CNTLN: variants seen among roughly 807,000 people sequenced by gnomAD.
The protein encoded by CNTLN is centlein, centrosomal protein.
In CNTLN, 212 loss-of-function variants were observed where a neutral mutation model predicts 180.0. The observed-to-expected ratio is 1.18, with a 90% CI of 1.05 to 1.32. CNTLN has a LOEUF of 1.32. CNTLN is among the 40% of genes most tolerant of loss of function. The pLI, the probability that CNTLN is intolerant of heterozygous loss-of-function variation, is 0.00. For synonymous variants in CNTLN, 722 were observed against 563.1 expected, an observed-to-expected ratio of 1.28 and a Z score of -3.99; for missense variants, 2,095 against 1,610.9, an observed-to-expected ratio of 1.30 and a Z score of -5.14.
intron 18 of CNTLN, among the ~76,000 whole-genome samples, chr9:17,430,627 C>A (rs1481614779): frequency 1.3e-5 from 2 of 151,980 alleles, no homozygotes; most frequent in African/African-American, 2.4e-5. Flanking sequence ...CCCTACTGTA[C>A]TACTGAACAC....
chr9:17,416,308 C>T (rs186034395), intron 18 of CNTLN, 119 bp downstream of exon 18: 2 of 780,988 alleles, frequency 2.6e-6, no homozygotes, highest in African/African-American at 3.5e-5. Flanking sequence ...TTAAAAAATC[C>T]CAGGCACTGT....
intron 6 of CNTLN, among the ~76,000 whole-genome samples, chr9:17,276,910 A>T (rs1828347740): frequency 6.6e-6 from 1 of 151,998 alleles, no homozygotes; most frequent in African/African-American, 2.4e-5. Flanking sequence ...GAATTTGTGG[A>T]AGCAGAAACC....
chr9:17,300,775 T>G (rs1181282990), intron 7 of CNTLN: 1 of 160,302 alleles, frequency 6.2e-6, no homozygotes, highest in Non-Finnish European at 1.3e-5. Context: ...ACCTCTCTGA[T>G]CTCATCTTTG....
chr9:17,250,692 TA>T (rs1226692496), intron 5 of CNTLN, among the ~76,000 whole-genome samples: 4 of 152,224 alleles, frequency 2.6e-5, no homozygotes, highest in African/African-American at 9.6e-5. Context: ...ACTTAATGTG[TA>T]AAAAGTTTAT....
chr9:17,396,557 C>A (rs776191815), intron 15 of CNTLN, among the ~76,000 whole-genome samples: 8 of 152,174 alleles, frequency 5.3e-5, no homozygotes, highest in East Asian at 1.9e-4. Context: ...AATAGTGATT[C>A]TGTTTTAGAT....
chr9:17,263,225 A>G (rs1426094178), intron 5 of CNTLN, among the ~76,000 whole-genome samples: 1 of 114,248 alleles, frequency 8.8e-6, no homozygotes. Context: ...CCGGAGTGTG[A>G]TGTTCCCCTT....
At chr9:17,365,977 T>C (rs1010356669) in intron 12 of CNTLN, among the ~76,000 whole-genome samples, 1 of 152,206 alleles carries the variant, frequency 6.6e-6, no homozygotes, top group Admixed American at 6.5e-5. Context: ...AGCAATTTAA[T>C]ACATAATTTT....
At chr9:17,145,918 G>GAACATAAT (rs1254791278) in intron 2 of CNTLN, among the ~76,000 whole-genome samples, 1 of 152,094 alleles carries the variant, frequency 6.6e-6, no homozygotes, top group Non-Finnish European at 1.5e-5. Flanking sequence ...CACTTCAGCT[G>GAACATAAT]AACATAATAT....
intron 16 of CNTLN, among the ~76,000 whole-genome samples, chr9:17,411,440 T>C (rs1458369581): frequency 6.6e-6 from 1 of 152,160 alleles, no homozygotes; most frequent in Non-Finnish European, 1.5e-5. Flanking sequence ...AAGTAGGCAC[T>C]CTTCACCTCT....
intron 2 of CNTLN, among the ~76,000 whole-genome samples, chr9:17,161,872 C>T (rs570543224): frequency 5.9e-5 from 9 of 152,222 alleles, no homozygotes; most frequent in African/African-American, 2.2e-4. Flanking sequence ...CAGAGTTGAG[C>T]TATTAATCTG....
chr9:17,243,396 G>A (rs1825611871), intron 5 of CNTLN, among the ~76,000 whole-genome samples: 1 of 151,780 alleles, frequency 6.6e-6, no homozygotes. Context: ...AGTTCTTTAG[G>A]ATGCATTGTT....
At chr9:17,528,131 A>G in the CNTLN span, among the ~76,000 whole-genome samples, 794 of 152,246 alleles carry the variant, frequency 5.2e-3, 8 homozygotes, top group African/African-American at 0.018. Flanking sequence ...TCTGCCCTCA[A>G]AAGGGCTGGG....
At chr9:17,419,509 A>G (rs1435264846) in intron 18 of CNTLN, among the ~76,000 whole-genome samples, 2 of 152,184 alleles carry the variant, frequency 1.3e-5, no homozygotes, top group Admixed American at 6.5e-5. Flanking sequence ...GTTTAATTTT[A>G]TAAATTTATT....
At chr9:17,328,129 T>C (rs1022989584) in intron 8 of CNTLN, among the ~76,000 whole-genome samples, 1 of 152,178 alleles carries the variant, frequency 6.6e-6, no homozygotes, top group Admixed American at 6.5e-5. Flanking sequence ...TTTCTACATA[T>C]AATATACCCT....
At chr9:17,153,406 C>A (rs959518773) in intron 2 of CNTLN, among the ~76,000 whole-genome samples, 2 of 152,108 alleles carry the variant, frequency 1.3e-5, no homozygotes, top group African/African-American at 4.8e-5. Context: ...ATTTCTCATT[C>A]GCTTATGAAG....
intron 2 of CNTLN, among the ~76,000 whole-genome samples, chr9:17,155,317 C>T (rs1819196429): frequency 6.6e-6 from 1 of 152,198 alleles, no homozygotes; most frequent in African/African-American, 2.4e-5. Context: ...GTCAGGGACC[C>T]ATTTGAGGAG....
At chr9:17,211,057 T>G (rs2131963304) in intron 2 of CNTLN, among the ~76,000 whole-genome samples, 1 of 152,346 alleles carries the variant, frequency 6.6e-6, no homozygotes, top group Admixed American at 6.5e-5. Context: ...CTCTTTAGTC[T>G]AATTAGATCC....
intron 6 of CNTLN, among the ~76,000 whole-genome samples, chr9:17,278,709 C>T (rs1022215961): frequency 5.3e-5 from 8 of 151,728 alleles, no homozygotes; most frequent in Non-Finnish European, 8.8e-5. Flanking sequence ...AAATGATAAA[C>T]GTGAATTATG....
intron 4 of CNTLN, 42 bp from the exon 5 acceptor site, chr9:17,236,367 C>T (rs3814138): frequency 0.15 from 226,279 of 1,485,778 alleles, 20,105 homozygotes; most frequent in African/African-American, 0.35. Flanking sequence ...TTTTTTGTTT[C>T]GTTTTGTTTT....
Sources: gnomAD v4.1 joint callset for allele counts (sites outside exome capture counted in the v4.1 genomes callset) on GRCh38, gnomAD v4.1.1 for gene constraint, MANE v1.5 for transcripts, NCBI Gene and HGNC (gene_info 2026-07-23, HGNC 2026-07-21) for gene names.